Variants in CNTNAP2 observed in about 807,000 individuals in gnomAD.
CNTNAP2 encodes the protein contactin-associated protein-like 2.
CNTNAP2 carries 98 observed loss-of-function variants against 155.2 expected under a neutral mutation model. That is an observed-to-expected ratio of 0.63 (90% CI 0.54 to 0.75). CNTNAP2 has a LOEUF of 0.75. Among genes scored for constraint, CNTNAP2 ranks in the 30% least tolerant of loss-of-function variants. The pLI is 0.00. For missense variants in CNTNAP2, 1,727 were observed against 1,688.1 expected, an observed-to-expected ratio of 1.02 and a Z score of -0.40; for synonymous variants, 651 against 631.2, an observed-to-expected ratio of 1.03 and a Z score of -0.47.
At chr7:147,374,665 T>C (rs560647056) in intron 9 of CNTNAP2, among the ~76,000 whole-genome samples, 16 of 152,070 alleles carry the variant, frequency 1.1e-4, no homozygotes, top group African/African-American at 3.4e-4. Context: ...AAGTCTTCCA[T>C]TGAGACAGTA....
At chr7:146,118,518 C>T (rs1797518917) in intron 1 of CNTNAP2, among the ~76,000 whole-genome samples, 1 of 151,986 alleles carries the variant, frequency 6.6e-6, no homozygotes, top group Admixed American at 6.6e-5. Flanking sequence ...GCCACTTTTC[C>T]TGGAAAATAA....
At chr7:146,432,259 A>C (rs772603479) in intron 1 of CNTNAP2, among the ~76,000 whole-genome samples, 12 of 152,128 alleles carry the variant, frequency 7.9e-5, no homozygotes, top group Non-Finnish European at 1.6e-4. Flanking sequence ...TTAATTAAAG[A>C]GGAATGTTTT....
chr7:146,467,659 TA>T (rs1356088184), intron 1 of CNTNAP2, among the ~76,000 whole-genome samples: 1 of 152,206 alleles, frequency 6.6e-6, no homozygotes, highest in Admixed American at 6.5e-5. Context: ...TCCTGATTTA[TA>T]ATTATTGAAT....
At chr7:147,456,890 A>C (rs1797926009) in intron 10 of CNTNAP2, among the ~76,000 whole-genome samples, 1 of 152,200 alleles carries the variant, frequency 6.6e-6, no homozygotes, top group African/African-American at 2.4e-5. Flanking sequence ...AATGTTAACC[A>C]GGAGGTCTGT....
intron 11 of CNTNAP2, among the ~76,000 whole-genome samples, chr7:147,514,032 A>G (rs564455028): frequency 7.2e-5 from 11 of 152,312 alleles, no homozygotes; most frequent in Non-Finnish European, 1.2e-4. Flanking sequence ...AAATGAAAAC[A>G]CCATAAATCT....
chr7:148,217,665 C>T (rs1795669978), intron 19 of CNTNAP2, 141 bp downstream of exon 19: 2 of 891,452 alleles, frequency 2.2e-6, no homozygotes, highest in Admixed American at 2.1e-5. Context: ...CTTTGAACCC[C>T]ATTTCTCTCC....
At chr7:147,886,448 C>G (rs1799599437) in intron 13 of CNTNAP2, among the ~76,000 whole-genome samples, 1 of 120,446 alleles carries the variant, frequency 8.3e-6, no homozygotes, top group Non-Finnish European at 1.6e-5. Flanking sequence ...GCACTGAAGC[C>G]TGGGCAACAA....
In CNTNAP2 at chr7:147,795,930, G is replaced by T. The variant is rs561923444; in HGVS notation, c.2099-107635G>T. On this transcript the variant is annotated intron_variant, in intron 13 of 23. Coordinates refer to ENST00000361727, the MANE Select transcript of CNTNAP2 (RefSeq NM_014141.6). ...AAGCACATAAGCCAGGCAGAGTTAG[G>T]CATTTTGCTTCTTGCAATAGGCAAT... Among the ~76,000 whole-genome samples the T allele has an allele frequency of 2.6e-5, 4 of 152,220 alleles. No homozygotes were observed. In the South Asian group the frequency reaches 8.3e-4, roughly 32 times the overall value.
intron 3 of CNTNAP2, among the ~76,000 whole-genome samples, chr7:146,850,552 G>A (rs751140886): frequency 6.6e-6 from 1 of 152,116 alleles, no homozygotes; most frequent in African/African-American, 2.4e-5. Context: ...TGAGGATATA[G>A]ATTATTATTT....
At chr7:146,577,055 AT>A (rs1740136146) in intron 1 of CNTNAP2, among the ~76,000 whole-genome samples, 1 of 152,132 alleles carries the variant, frequency 6.6e-6, no homozygotes, top group African/African-American at 2.4e-5. Flanking sequence ...CAAATTTGAA[AT>A]TTTGTATCTA....
chr7:148,311,424 G>A (rs1563036714), intron 21 of CNTNAP2, among the ~76,000 whole-genome samples: 2 of 149,028 alleles, frequency 1.3e-5, no homozygotes, highest in Non-Finnish European at 2.9e-5. Context: ...GATAGCTGGG[G>A]AGAGGTAGAG....
chr7:147,758,134 G>C (rs1797244387), intron 13 of CNTNAP2, among the ~76,000 whole-genome samples: 1 of 152,170 alleles, frequency 6.6e-6, no homozygotes, highest in African/African-American at 2.4e-5. Flanking sequence ...TAAGATTTCA[G>C]GAAATACCTA....
chr7:147,055,315 T>C (rs1799539783), intron 4 of CNTNAP2, among the ~76,000 whole-genome samples: 1 of 152,226 alleles, frequency 6.6e-6, no homozygotes, highest in African/African-American at 2.4e-5. Flanking sequence ...ATAACCGAAA[T>C]GCTTCTGCGT....
chr7:146,398,314 C>T (rs1350085863), intron 1 of CNTNAP2, among the ~76,000 whole-genome samples: 1 of 150,188 alleles, frequency 6.7e-6, no homozygotes, highest in Non-Finnish European at 1.5e-5. Context: ...AACTTATAAT[C>T]ATGGTGGAAA....
intron 1 of CNTNAP2, among the ~76,000 whole-genome samples, chr7:146,252,438 C>T (rs529365990): frequency 6.6e-6 from 1 of 152,276 alleles, no homozygotes; most frequent in Non-Finnish European, 1.5e-5. Context: ...TATATGACCG[C>T]CCTGACAGAC....
intron 17 of CNTNAP2, among the ~76,000 whole-genome samples, chr7:148,155,567 A>C (rs531678788): frequency 1.3e-5 from 2 of 152,272 alleles, no homozygotes; most frequent in African/African-American, 4.8e-5. Context: ...CCTCCCGTGG[A>C]GGGGAGACAG....
chr7:147,820,005 A>T (rs936487860), intron 13 of CNTNAP2, among the ~76,000 whole-genome samples: 3 of 152,096 alleles, frequency 2.0e-5, no homozygotes, highest in East Asian at 1.9e-4. Flanking sequence ...CTATTTTTTT[A>T]AAATTCTACC....
chr7:147,554,281 T>C (rs1487353394), intron 11 of CNTNAP2, among the ~76,000 whole-genome samples: 2 of 152,076 alleles, frequency 1.3e-5, no homozygotes, highest in Non-Finnish European at 2.9e-5. Context: ...ATACCAAGAA[T>C]GGATATTGAA....
rs201662168 is a variant in CNTNAP2, at chr7:146,157,137, C to CT, written c.97+40173dup. Among the ~76,000 whole-genome samples, 301 of 150,640 alleles carry CT rather than the reference C, an allele frequency of 2.0e-3. 7 individuals carry two copies. In the East Asian group the frequency reaches 0.049, roughly 25 times the overall value. On this transcript the variant is annotated intron_variant, in intron 1 of 23. Transcript: ENST00000361727. Reference sequence around the variant, plus strand: ...ATCAAAAATAAAATAAGGTGAACTACTTTTTTTTTAATGGGCAAGGTGGCA... The same window carrying CT: ...ATCAAAAATAAAATAAGGTGAACTACTTTTTTTTTTAATGGGCAAGGTGGCA...
Sources: gnomAD v4.1 joint callset for allele counts (sites outside exome capture counted in the v4.1 genomes callset) on GRCh38, gnomAD v4.1.1 for gene constraint, MANE v1.5 for transcripts, NCBI Gene and HGNC (gene_info 2026-07-23, HGNC 2026-07-21) for gene names.